ARHGAP26: variants seen among roughly 807,000 people sequenced by gnomAD.
ARHGAP26 encodes Rho GTPase activating protein 26.
Under a neutral mutation model 104.8 loss-of-function variants are expected in ARHGAP26, and 38 were observed. That is an observed-to-expected ratio of 0.36 (90% CI 0.28 to 0.48). The LOEUF (loss-of-function observed/expected upper bound fraction) is 0.48. Among genes scored for constraint, ARHGAP26 ranks in the 20% least tolerant of loss-of-function variants. ARHGAP26 has a pLI of 0.99. For synonymous variants in ARHGAP26, 341 were observed against 340.0 expected (o/e 1.00, Z -0.03); for missense variants, 704 against 947.9 (o/e 0.74, Z 3.38).
At chr5:143,020,726 C>G (rs376170702) in intron 12 of ARHGAP26, among the ~76,000 whole-genome samples, 1 of 151,304 alleles carries the variant, frequency 6.6e-6, no homozygotes, top group Middle Eastern at 3.4e-3. Flanking sequence ...GCAAGCTCCC[C>G]CTCCCGGGTT....
rs192358398 is a variant in ARHGAP26 at position 143,041,741 on chromosome 5, A to C, written c.1211-75A>C. On this transcript the variant is annotated intron_variant, in intron 13 of 22. Coordinates refer to ENST00000645722, the MANE Select transcript of ARHGAP26 (RefSeq NM_001135608.3). ...GAAAATGAAAAAAAAAAAAAAAAAA[A>C]GTGCATTTGGCTGGATTGGCCTGAC... is the stretch of plus-strand genomic sequence containing the variant. The C allele has an allele frequency of 5.8e-3, 5,766 of 994,574 alleles. 245 individuals carry two copies. In the African/African-American group the frequency reaches 0.092, roughly 16 times the overall value. The allele number at this position is 994,574 out of a possible 1,614,324, so 61.6% of individuals were successfully genotyped here. A position where few individuals can be genotyped will look rare whatever the true frequency, so the allele number is the denominator to read the frequency against.
chr5:142,994,593 C>G (rs1454333062), intron 11 of ARHGAP26, among the ~76,000 whole-genome samples: 1 of 152,078 alleles, frequency 6.6e-6, no homozygotes, highest in African/African-American at 2.4e-5. Context: ...ACTGTTGGGA[C>G]TGAAGAGAAA....
intron 1 of ARHGAP26, among the ~76,000 whole-genome samples, chr5:142,814,727 T>A (rs1764762019): frequency 6.6e-6 from 1 of 152,238 alleles, no homozygotes; most frequent in African/African-American, 2.4e-5. Context: ...CTACTGCTCA[T>A]CACCTGTGTG....
intron 11 of ARHGAP26, among the ~76,000 whole-genome samples, chr5:142,985,969 G>A (rs1444723640): frequency 3.3e-5 from 5 of 152,066 alleles, no homozygotes; most frequent in Non-Finnish European, 5.9e-5. Context: ...ATAAACATAC[G>A]TGTGTATGTG....
intron 17 of ARHGAP26, among the ~76,000 whole-genome samples, chr5:143,099,033 C>G (rs1336024607): frequency 1.3e-5 from 2 of 152,110 alleles, no homozygotes; most frequent in South Asian, 2.1e-4. Flanking sequence ...GAAAAAAGGT[C>G]ACAAAGTTTG....
chr5:143,059,143 T>C (rs1786311381), intron 17 of ARHGAP26, among the ~76,000 whole-genome samples: 1 of 152,110 alleles, frequency 6.6e-6, no homozygotes, highest in African/African-American at 2.4e-5. Flanking sequence ...TTGCAAAACT[T>C]TGCACACTTG....
At chr5:142,904,623 A>T (rs1369363228) in intron 8 of ARHGAP26, among the ~76,000 whole-genome samples, 1 of 152,142 alleles carries the variant, frequency 6.6e-6, no homozygotes, top group Admixed American at 6.5e-5. Context: ...GTGATGACTC[A>T]CAAGTTCATG....
intron 1 of ARHGAP26, among the ~76,000 whole-genome samples, chr5:142,815,316 C>T (rs1027971687): frequency 5.3e-5 from 8 of 152,240 alleles, no homozygotes; most frequent in African/African-American, 1.9e-4. Flanking sequence ...GCTGGGATTA[C>T]CGGTGTGAAC....
chr5:143,197,173 A>T (rs1562592975), intron 20 of ARHGAP26, among the ~76,000 whole-genome samples: 1 of 152,178 alleles, frequency 6.6e-6, no homozygotes. Context: ...TTTGCTCTAC[A>T]CATTCTAATA....
At chr5:142,987,244 T>C (rs1443414646) in intron 11 of ARHGAP26, among the ~76,000 whole-genome samples, 1 of 152,188 alleles carries the variant, frequency 6.6e-6, no homozygotes, top group Non-Finnish European at 1.5e-5. Flanking sequence ...GGTATTTTAT[T>C]CTCTTTGAAG....
intron 9 of ARHGAP26, among the ~76,000 whole-genome samples, chr5:142,910,324 C>T (rs998741191): frequency 9.2e-5 from 14 of 152,150 alleles, no homozygotes; most frequent in Admixed American, 2.6e-4. Context: ...ATTATACTTC[C>T]CATGACGTCA....
chr5:142,782,007 G>T (rs946232923), intron 1 of ARHGAP26, among the ~76,000 whole-genome samples: 3 of 152,182 alleles, frequency 2.0e-5, no homozygotes, highest in Admixed American at 6.5e-5. Context: ...GAGCCACTGC[G>T]CCTGGCCGAT....
At chr5:143,124,162 A>C (rs1388625756) in intron 18 of ARHGAP26, among the ~76,000 whole-genome samples, 2 of 152,232 alleles carry the variant, frequency 1.3e-5, no homozygotes, top group African/African-American at 4.8e-5. Context: ...AGCGACTAGC[A>C]CAGTATTCTC....
At chr5:142,934,493 T>A (rs886095402) in intron 11 of ARHGAP26, among the ~76,000 whole-genome samples, 2 of 152,230 alleles carry the variant, frequency 1.3e-5, no homozygotes, top group African/African-American at 4.8e-5. Flanking sequence ...ACAGTAATAC[T>A]AGGCTTAATT....
intron 17 of ARHGAP26, among the ~76,000 whole-genome samples, chr5:143,064,741 G>T (rs1458749557): frequency 6.6e-6 from 1 of 152,190 alleles, no homozygotes; most frequent in Non-Finnish European, 1.5e-5. Flanking sequence ...TTCAACCCAA[G>T]AATTTGTCTG....
chr5:143,034,354 T>C (rs1343023789), intron 12 of ARHGAP26, among the ~76,000 whole-genome samples: 1 of 152,144 alleles, frequency 6.6e-6, no homozygotes, highest in African/African-American at 2.4e-5. Context: ...CCCAAATATC[T>C]ATCAGCCGAT....
chr5:142,820,504 G>A (rs2152070889), intron 1 of ARHGAP26, among the ~76,000 whole-genome samples: 1 of 152,256 alleles, frequency 6.6e-6, no homozygotes, highest in East Asian at 1.9e-4. Flanking sequence ...CCATCCTGGA[G>A]CTGAAGGCGG....
intron 11 of ARHGAP26, among the ~76,000 whole-genome samples, chr5:142,988,491 C>T (rs6886180): frequency 0.26 from 39,004 of 151,678 alleles, 5,383 homozygotes; most frequent in East Asian, 0.47. Flanking sequence ...TCTGTCTCCT[C>T]CAGTTCTGCT....
chr5:143,064,604 C>T (rs181848025), intron 17 of ARHGAP26, among the ~76,000 whole-genome samples: 2 of 152,168 alleles, frequency 1.3e-5, no homozygotes, highest in South Asian at 2.1e-4. Flanking sequence ...TTTAAAGGGA[C>T]ATTGCACAGA....
Sources: allele counts gnomAD v4.1 joint callset (sites outside exome capture counted in the v4.1 genomes callset), GRCh38; gene constraint gnomAD v4.1.1; transcripts MANE v1.5; gene names NCBI Gene and HGNC (gene_info 2026-07-23, HGNC 2026-07-21).